SKIC3: variants seen among roughly 807,000 people sequenced by gnomAD.
SKIC3 encodes superkiller complex protein 3.
At chr5:95,497,385 C>G in the SKIC3 span, 5 of 1,552,598 alleles carry the variant, frequency 3.2e-6, no homozygotes, top group Non-Finnish European at 4.4e-6. Flanking sequence ...GTTATTTTAT[C>G]TCTTTGCTAG....
the SKIC3 span, among the ~76,000 whole-genome samples, chr5:95,527,139 T>C: frequency 3.3e-5 from 5 of 152,216 alleles, no homozygotes; most frequent in Admixed American, 6.5e-5. Flanking sequence ...TTGAGCCCTT[T>C]TGTAGTCTGA....
the SKIC3 span, among the ~76,000 whole-genome samples, chr5:95,532,286 G>T: frequency 1.3e-5 from 2 of 152,096 alleles, no homozygotes; most frequent in African/African-American, 2.4e-5. Context: ...GAACATAAAC[G>T]ACTTTTAAAA....
At chr5:95,516,814 T>C in the SKIC3 span, 12 of 1,571,714 alleles carry the variant, frequency 7.6e-6, no homozygotes, top group African/African-American at 1.4e-4. Flanking sequence ...TATCAAGATA[T>C]ATGTGGTTTT....
At chr5:95,464,650 T>C in the SKIC3 span, 1 of 1,613,642 alleles carries the variant, frequency 6.2e-7, no homozygotes, top group Non-Finnish European at 8.5e-7. Context: ...TGCTCTTGTA[T>C]CTCCATGAGT....
At chr5:95,536,893 G>T in the SKIC3 span, 1 of 1,613,594 alleles carries the variant, frequency 6.2e-7, no homozygotes, top group Non-Finnish European at 8.5e-7. Context: ...TTCCTTCACA[G>T]GCCTTCTTCA....
chr5:95,485,501 A>G, the SKIC3 span, among the ~76,000 whole-genome samples: 1 of 152,182 alleles, frequency 6.6e-6, no homozygotes, highest in East Asian at 1.9e-4. Context: ...ATCATAATGT[A>G]TTATTATCAT....
chr5:95,552,541 A>G, the SKIC3 span, among the ~76,000 whole-genome samples: 1 of 152,146 alleles, frequency 6.6e-6, no homozygotes, highest in Non-Finnish European at 1.5e-5. Flanking sequence ...TGACTGAGGG[A>G]AGTGTCTCAA....
the SKIC3 span, chr5:95,464,553 T>G: frequency 7.3e-7 from 1 of 1,365,800 alleles, no homozygotes; most frequent in Non-Finnish European, 1.0e-6. Context: ...TCTTGATTCA[T>G]TGCTTCATTC....
At chr5:95,529,964 T>C in the SKIC3 span, 24 of 1,135,388 alleles carry the variant, frequency 2.1e-5, no homozygotes, top group South Asian at 2.8e-4. Flanking sequence ...GAGTCCAAGG[T>C]ATGCAGGTAC....
At chr5:95,536,945 A>G in the SKIC3 span, 3 of 1,606,128 alleles carry the variant, frequency 1.9e-6, no homozygotes, top group South Asian at 3.3e-5. Context: ...ATAAAAGCAA[A>G]ATACACTACA....
the SKIC3 span, chr5:95,540,915 T>C: frequency 7.7e-7 from 1 of 1,293,248 alleles, no homozygotes. Flanking sequence ...AAAAACATTT[T>C]TAATTTGTTA....
the SKIC3 span, among the ~76,000 whole-genome samples, chr5:95,510,607 C>T: frequency 5.9e-5 from 9 of 152,276 alleles, no homozygotes; most frequent in Non-Finnish European, 2.9e-5. Flanking sequence ...GAACTGACTG[C>T]GCAAGAAGAC....
chr5:95,469,017 T>C, the SKIC3 span, among the ~76,000 whole-genome samples: 1 of 152,142 alleles, frequency 6.6e-6, no homozygotes, highest in Non-Finnish European at 1.5e-5. Flanking sequence ...TCTTCCACCA[T>C]CCCTATTTTG....
the SKIC3 span, among the ~76,000 whole-genome samples, chr5:95,466,274 T>A: frequency 1.3e-5 from 2 of 152,244 alleles, no homozygotes; most frequent in Non-Finnish European, 1.5e-5. Flanking sequence ...CTGTCACATG[T>A]ATTTTATAGT....
the SKIC3 span, chr5:95,527,881 AG>A: frequency 9.0e-5 from 84 of 931,086 alleles, no homozygotes; most frequent in East Asian, 2.1e-3. Flanking sequence ...GACTTATAAA[AG>A]TGCAGATGTG....
the SKIC3 span, among the ~76,000 whole-genome samples, chr5:95,527,429 A>T: frequency 6.6e-6 from 1 of 152,236 alleles, no homozygotes; most frequent in Non-Finnish European, 1.5e-5. Context: ...TGAAATACAT[A>T]AAACTGATTT....
At chr5:95,515,116 G>A in the SKIC3 span, 4 of 533,984 alleles carry the variant, frequency 7.5e-6, no homozygotes, top group South Asian at 6.1e-5. Flanking sequence ...ACTCCTGGGT[G>A]CAACAGATTT....
the SKIC3 span, among the ~76,000 whole-genome samples, chr5:95,501,550 G>C: frequency 6.6e-6 from 1 of 152,068 alleles, no homozygotes; most frequent in African/African-American, 2.4e-5. Flanking sequence ...GAAGCAGTTG[G>C]TAGTGTCAAG....
At chr5:95,516,965 G>A in the SKIC3 span, 1 of 1,612,930 alleles carries the variant, frequency 6.2e-7, no homozygotes, top group Non-Finnish European at 8.5e-7. Context: ...GTTGCTGCCT[G>A]TTTCTGCTAG....
Sources: allele counts gnomAD v4.1 joint callset (sites outside exome capture counted in the v4.1 genomes callset), GRCh38; gene constraint gnomAD v4.1.1; transcripts MANE v1.5; gene names NCBI Gene and HGNC (gene_info 2026-07-23, HGNC 2026-07-21).